SUGCT: variants seen among roughly 807,000 people sequenced by gnomAD.
The protein encoded by SUGCT is succinyl-CoA:glutarate CoA-transferase.
A neutral mutation model predicts 55.0 loss-of-function variants in SUGCT; 41 were observed. The observed-to-expected ratio is 0.74, with a 90% CI of 0.58 to 0.97. The LOEUF is 0.97. Ranked by LOEUF, SUGCT falls within the 50% of genes least tolerant of loss-of-function variation. The probability of loss-of-function intolerance (pLI) is 0.00; values close to 1 mark genes in which losing one functional copy is unlikely to be tolerated. For synonymous variants in SUGCT, 187 were observed against 200.4 expected, an observed-to-expected ratio of 0.93 and a Z score of 0.56; for missense variants, 568 against 547.8, an observed-to-expected ratio of 1.04 and a Z score of -0.37.
intron 9 of SUGCT, among the ~76,000 whole-genome samples, chr7:40,434,416 C>T (rs7787193): frequency 0.95 from 144,058 of 152,042 alleles, 68,725 homozygotes; most frequent in East Asian, 1. Context: ...TTTTCTCTTC[C>T]TATAGTCACA....
At chr7:41,001,723 G>C in the SUGCT span, among the ~76,000 whole-genome samples, 4 of 152,194 alleles carry the variant, frequency 2.6e-5, no homozygotes, top group East Asian at 7.7e-4. Context: ...TGATGCATAA[G>C]GGCTCCACCC....
intron 12 of SUGCT, chr7:40,684,011 G>T: frequency 6.2e-7 from 1 of 1,609,284 alleles, no homozygotes. Flanking sequence ...AAATCCTTGT[G>T]GTTGTATGAC....
intron 1 of SUGCT, among the ~76,000 whole-genome samples, chr7:40,162,463 G>T (rs1326651608): frequency 6.6e-6 from 1 of 151,994 alleles, no homozygotes; most frequent in Non-Finnish European, 1.5e-5. Context: ...AATGATTCAT[G>T]CATCCCTTAG....
chr7:40,482,881 C>T (rs554115138), intron 11 of SUGCT, among the ~76,000 whole-genome samples: 1 of 152,260 alleles, frequency 6.6e-6, no homozygotes, highest in Non-Finnish European at 1.5e-5. Context: ...ATGTACTGAG[C>T]CATCTTGAGA....
chr7:40,718,070 G>C (rs563465436), intron 12 of SUGCT, among the ~76,000 whole-genome samples: 3 of 152,258 alleles, frequency 2.0e-5, no homozygotes, highest in Admixed American at 1.3e-4. Flanking sequence ...AAATGAAAGT[G>C]CTTTTGGAAT....
chr7:40,641,167 C>T (rs1349141803), intron 12 of SUGCT, among the ~76,000 whole-genome samples: 1 of 152,184 alleles, frequency 6.6e-6, no homozygotes, highest in East Asian at 1.9e-4. Context: ...TCTGCAGTCC[C>T]TTCATTTCCT....
intron 7 of SUGCT, among the ~76,000 whole-genome samples, chr7:40,249,323 A>ATATATCTATATATATC (rs1562612040): frequency 2.2e-5 from 2 of 91,790 alleles, no homozygotes; most frequent in Admixed American, 1.1e-4. Flanking sequence ...CTATATATAT[A>ATATATCTATATATATC]TATATATATA....
intron 11 of SUGCT, among the ~76,000 whole-genome samples, chr7:40,483,473 A>G (rs1454798819): frequency 6.6e-6 from 1 of 152,206 alleles, no homozygotes; most frequent in Non-Finnish European, 1.5e-5. Flanking sequence ...ACTTATCATA[A>G]TAAGCTTATG....
chr7:40,185,525 G>T (rs1011983709), intron 3 of SUGCT, among the ~76,000 whole-genome samples: 1 of 152,104 alleles, frequency 6.6e-6, no homozygotes, highest in Admixed American at 6.6e-5. Context: ...GGGATTTATT[G>T]TCTTCTTTTT....
intron 11 of SUGCT, among the ~76,000 whole-genome samples, chr7:40,478,904 G>A: frequency 6.6e-6 from 1 of 151,798 alleles, no homozygotes; most frequent in East Asian, 1.9e-4. Flanking sequence ...ATATATATAT[G>A]GAATTCCACA....
chr7:40,658,256 C>T (rs1801125356), intron 12 of SUGCT, among the ~76,000 whole-genome samples: 1 of 152,138 alleles, frequency 6.6e-6, no homozygotes, highest in Admixed American at 6.5e-5. Context: ...TGAGGAGTCT[C>T]AACTCTGAGA....
chr7:40,279,050 T>C (rs1283100677), intron 8 of SUGCT, among the ~76,000 whole-genome samples: 1 of 151,170 alleles, frequency 6.6e-6, no homozygotes, highest in Non-Finnish European at 1.5e-5. Context: ...TTGTCCAGGC[T>C]AGTCTTGAAC....
chr7:40,278,538 G>A (rs1447309080), intron 8 of SUGCT, among the ~76,000 whole-genome samples: 2 of 152,194 alleles, frequency 1.3e-5, no homozygotes, highest in African/African-American at 4.8e-5. Context: ...TACCTGAAGT[G>A]CAAGGCAATG....
At chr7:40,486,519 G>C (rs1435802511) in intron 11 of SUGCT, among the ~76,000 whole-genome samples, 1 of 151,606 alleles carries the variant, frequency 6.6e-6, no homozygotes, top group Non-Finnish European at 1.5e-5. Flanking sequence ...TTTTGGGGTT[G>C]GTCTGTTTTT....
intron 6 of SUGCT, among the ~76,000 whole-genome samples, chr7:40,196,221 A>G (rs902164746): frequency 3.3e-5 from 5 of 152,236 alleles, no homozygotes; most frequent in African/African-American, 9.6e-5. Context: ...TTAGTTTTCT[A>G]TATAAGTACT....
intron 1 of SUGCT, chr7:40,154,086 T>A (rs1365326936): frequency 4.1e-6 from 1 of 241,910 alleles, no homozygotes; most frequent in South Asian, 6.7e-5. Flanking sequence ...TGCTGCAGTT[T>A]ATATTTTGAA....
chr7:40,830,940 G>C (rs1308882958), intron 13 of SUGCT, among the ~76,000 whole-genome samples: 1 of 152,152 alleles, frequency 6.6e-6, no homozygotes, highest in Non-Finnish European at 1.5e-5. Flanking sequence ...ACATTCAACT[G>C]TCTGGTAAAT....
At chr7:40,350,280 A>T (rs1485229987) in intron 9 of SUGCT, among the ~76,000 whole-genome samples, 1 of 7,594 alleles carries the variant, frequency 1.3e-4, no homozygotes, top group Non-Finnish European at 4.7e-4. Context: ...ACTATATCTT[A>T]TTTATTTATT....
chr7:40,878,598 T>C, the SUGCT span, among the ~76,000 whole-genome samples: 1 of 152,134 alleles, frequency 6.6e-6, no homozygotes, highest in Non-Finnish European at 1.5e-5. Context: ...TAAAGGAAAA[T>C]GAAGCCTGTT....
Sources: allele counts gnomAD v4.1 joint callset (sites outside exome capture counted in the v4.1 genomes callset), GRCh38; gene constraint gnomAD v4.1.1; transcripts MANE v1.5; gene names NCBI Gene and HGNC (gene_info 2026-07-23, HGNC 2026-07-21).